PPP6R2: variants seen among roughly 807,000 people sequenced by gnomAD.
PPP6R2 encodes serine/threonine-protein phosphatase 6 regulatory subunit 2.
A neutral mutation model predicts 100.2 loss-of-function variants in PPP6R2; 62 were observed. The observed-to-expected ratio is 0.62, with a 90% CI of 0.50 to 0.76. The LOEUF is 0.76. Ranked by LOEUF, PPP6R2 falls within the 30% of genes least tolerant of loss-of-function variation. PPP6R2 has a pLI of 0.00. For missense variants in PPP6R2, 1,142 were observed against 1,276.3 expected, an observed-to-expected ratio of 0.89 and a Z score of 1.60; for synonymous variants, 525 against 514.7, an observed-to-expected ratio of 1.02 and a Z score of -0.27.
chr22:50,366,082 G>A (rs1159583882), intron 1 of PPP6R2, among the ~76,000 whole-genome samples: 1 of 152,030 alleles, frequency 6.6e-6, no homozygotes, highest in Non-Finnish European at 1.5e-5. Context: ...CTTGACCTTT[G>A]TTCTGGGATG....
chr22:50,422,088 A>G (rs2061416157), intron 8 of PPP6R2, among the ~76,000 whole-genome samples, 166 bp from the exon 9 acceptor site: 1 of 152,024 alleles, frequency 6.6e-6, no homozygotes, highest in African/African-American at 2.4e-5. Context: ...TGCCTGTACC[A>G]GTCACCAGAT....
chr22:50,358,884 G>GT (rs1365442651), intron 1 of PPP6R2, among the ~76,000 whole-genome samples: 1 of 146,264 alleles, frequency 6.8e-6, no homozygotes, highest in Non-Finnish European at 1.5e-5. Context: ...GCTTATTTCT[G>GT]TTTTTTCTGT....
At chr22:50,413,670 A>ACCC (rs138644041) in intron 4 of PPP6R2, among the ~76,000 whole-genome samples, 4 of 144,840 alleles carry the variant, frequency 2.8e-5, no homozygotes, top group Admixed American at 1.4e-4. Flanking sequence ...CTCCTCCCCT[A>ACCC]CCCCCTCCTC....
At chr22:50,429,090 G>T (rs1385917043) in intron 10 of PPP6R2, among the ~76,000 whole-genome samples, 1 of 151,986 alleles carries the variant, frequency 6.6e-6, no homozygotes, top group Non-Finnish European at 1.5e-5. Flanking sequence ...GAGTGCAGTG[G>T]CATGATCTTG....
intron 22 of PPP6R2, among the ~76,000 whole-genome samples, chr22:50,442,654 A>G (rs1411413030): frequency 1.3e-5 from 2 of 152,110 alleles, no homozygotes; most frequent in African/African-American, 4.8e-5. Flanking sequence ...GGTTCACGCC[A>G]TTCTCCTGCC....
At chr22:50,351,214 A>G (rs886307767) in intron 1 of PPP6R2, among the ~76,000 whole-genome samples, 3 of 140,650 alleles carry the variant, frequency 2.1e-5, no homozygotes, top group African/African-American at 8.0e-5. Context: ...CTAATTTTGT[A>G]TTTTTAGTAG....
chr22:50,423,648 G>A lies in PPP6R2; in HGVS notation c.1125+34G>A. On this transcript the variant is annotated intron_variant, in intron 10 of 23. Transcript: ENST00000612753. This position sits in a 1 kb window ranked among gnomAD's most constrained non-coding sequence, Gnocchi z 4.8. ...GCCCCTCAGCCAGCCCTGCATGTCT[G>A]TGAGTGTGCCGGGCATGGCCTGTGG... 1 of 1,612,578 alleles carries A rather than the reference G, an allele frequency of 6.2e-7. No homozygotes were observed. The highest frequency in any genetic ancestry group is 8.5e-7 in the Non-Finnish European group (1 of 1,179,190).
chr22:50,364,855 C>CA (rs2048428878), intron 1 of PPP6R2, among the ~76,000 whole-genome samples: 1 of 151,924 alleles, frequency 6.6e-6, no homozygotes, highest in African/African-American at 2.4e-5. Context: ...CTTAATGTGT[C>CA]ATCGTGTAGA....
chr22:50,432,256 G>GC lies in PPP6R2; in HGVS notation c.1336-3dup, dbSNP rs1473600210. The GC allele has an allele frequency of 1.9e-5, 30 of 1,549,228 alleles. No homozygotes were observed. The highest frequency in any genetic ancestry group is 2.4e-5 in the Non-Finnish European group (28 of 1,146,640). ...CTGACTCACGCTGTCCCCCTGCCCC[G>GC]CCCCCCAGCTGTTCCAGAAGTGCTG... On this transcript the variant is annotated splice_polypyrimidine_tract_variant and intron_variant, in intron 11 of 23. Coordinates refer to ENST00000612753, the MANE Select transcript of PPP6R2 (RefSeq NM_001242898.2).
At chr22:50,392,067 G>A (rs1316635596) in intron 2 of PPP6R2, 3 of 151,994 alleles carry the variant, frequency 2.0e-5, no homozygotes, top group African/African-American at 7.2e-5. Flanking sequence ...TCTGATATGT[G>A]TGTGGAGGCA....
intron 1 of PPP6R2, among the ~76,000 whole-genome samples, chr22:50,353,530 T>A (rs530506242): frequency 1.4e-3 from 207 of 152,134 alleles, no homozygotes; most frequent in Admixed American, 2.4e-3. Context: ...AAAATAATAA[T>A]GAAAGAGTTT....
the PPP6R2 span, among the ~76,000 whole-genome samples, chr22:50,333,307 C>T: frequency 2.0e-5 from 3 of 151,646 alleles, no homozygotes; most frequent in Non-Finnish European, 4.4e-5. Flanking sequence ...TTTGAGATCA[C>T]GTAGTGTAAG....
At chr22:50,405,994 A>G (rs1223946313) in intron 3 of PPP6R2, among the ~76,000 whole-genome samples, 13 of 99,500 alleles carry the variant, frequency 1.3e-4, no homozygotes, top group East Asian at 3.4e-4. Flanking sequence ...GAAGTGAGAG[A>G]CCTGCAGAGA....
At chr22:50,357,806 A>G (rs2046929713) in intron 1 of PPP6R2, among the ~76,000 whole-genome samples, 1 of 151,918 alleles carries the variant, frequency 6.6e-6, no homozygotes, top group Admixed American at 6.6e-5. Flanking sequence ...TTGTATTTTT[A>G]GTAGAGACAG....
At chr22:50,395,846 T>C (rs562230402) in intron 3 of PPP6R2, among the ~76,000 whole-genome samples, 96 of 149,880 alleles carry the variant, frequency 6.4e-4, no homozygotes, top group African/African-American at 2.3e-3. Context: ...GGATTATAGG[T>C]GTGAGCCACT....
intron 22 of PPP6R2, among the ~76,000 whole-genome samples, chr22:50,441,781 A>G (rs1003916899): frequency 2.0e-5 from 3 of 152,108 alleles, no homozygotes; most frequent in Admixed American, 1.3e-4. Flanking sequence ...GGCCACAGGA[A>G]GGTCCCTGGG....
the PPP6R2 span, among the ~76,000 whole-genome samples, chr22:50,338,110 G>T: frequency 2.1e-5 from 3 of 145,590 alleles, no homozygotes; most frequent in Non-Finnish European, 3.0e-5. Flanking sequence ...TGTGGTATGT[G>T]GTGTGTGTGC....
intron 2 of PPP6R2, among the ~76,000 whole-genome samples, chr22:50,374,407 AAGTGAAACAC>A (rs2050976645): frequency 6.6e-6 from 1 of 152,194 alleles, no homozygotes; most frequent in Admixed American, 6.6e-5. Context: ...GGAATTGGTA[AAGTGAAACAC>A]AGTGAAAGAC....
chr22:50,441,090 C>T (rs1259959717), intron 22 of PPP6R2, 64 bp downstream of exon 22: 113 of 1,356,804 alleles, frequency 8.3e-5, no homozygotes, highest in East Asian at 3.8e-4. Flanking sequence ...AGGCTCTGTC[C>T]CCAGGTCTCA....
Sources: allele counts gnomAD v4.1 joint callset (sites outside exome capture counted in the v4.1 genomes callset), GRCh38; gene constraint gnomAD v4.1.1; non-coding constraint Gnocchi (gnomAD v3.1); transcripts MANE v1.5; gene names NCBI Gene and HGNC (gene_info 2026-07-23, HGNC 2026-07-21).